The following GPAT3 variants were observed in gnomAD, a reference collection of about 807,000 sequenced individuals.
GPAT3 encodes 1-AGP acyltransferase 9.
A neutral mutation model predicts 58.8 loss-of-function variants in GPAT3; 53 were observed. The ratio of observed to expected loss-of-function variants is 0.90; its 90% CI spans 0.72 to 1.13. The LOEUF (loss-of-function observed/expected upper bound fraction) is 1.13, where lower values mean the gene tolerates loss of function less well. GPAT3 is among the 50% of genes most tolerant of loss of function. GPAT3 has a pLI of 0.00. For synonymous variants in GPAT3, 197 were observed against 187.4 expected, an observed-to-expected ratio of 1.05 and a Z score of -0.42; for missense variants, 511 against 527.6, an observed-to-expected ratio of 0.97 and a Z score of 0.31.
At chr4:83,575,025 C>T (rs1325851825) in intron 2 of GPAT3, among the ~76,000 whole-genome samples, 1 of 151,642 alleles carries the variant, frequency 6.6e-6, no homozygotes, top group Non-Finnish European at 1.5e-5. Context: ...TACAGGCGCC[C>T]GCCACCTCGC....
At chr4:83,557,387 C>T (rs1724979073) in intron 2 of GPAT3, among the ~76,000 whole-genome samples, 1 of 152,186 alleles carries the variant, frequency 6.6e-6, no homozygotes, top group Non-Finnish European at 1.5e-5. Context: ...TCCTGGCAGA[C>T]ATCACTAGTT....
At chr4:83,552,333 T>C (rs1202159648) in intron 2 of GPAT3, among the ~76,000 whole-genome samples, 1 of 152,164 alleles carries the variant, frequency 6.6e-6, no homozygotes, top group African/African-American at 2.4e-5. Context: ...TTGCCAGTTG[T>C]CCCCTGGGGG....
chr4:83,554,537 T>C (rs1724879153), intron 2 of GPAT3, among the ~76,000 whole-genome samples: 1 of 152,146 alleles, frequency 6.6e-6, no homozygotes, highest in African/African-American at 2.4e-5. Flanking sequence ...TTTTTAAACA[T>C]TGGCCCCACT....
chr4:83,598,865 C>G, intron 11 of GPAT3, 142 bp downstream of exon 11: 1 of 606,788 alleles, frequency 1.6e-6, no homozygotes, highest in Non-Finnish European at 2.6e-6. Flanking sequence ...TCATAGTTCA[C>G]TGTAGCCTTG....
intron 1 of GPAT3, among the ~76,000 whole-genome samples, chr4:83,538,644 C>T (rs1008423699): frequency 2.0e-5 from 3 of 152,192 alleles, no homozygotes; most frequent in African/African-American, 7.2e-5. Context: ...CAGCTAAGGA[C>T]GGAGGCCAGC....
chr4:83,582,835 T>A (rs1014255069), intron 3 of GPAT3, among the ~76,000 whole-genome samples: 2 of 152,152 alleles, frequency 1.3e-5, no homozygotes, highest in African/African-American at 4.8e-5. Flanking sequence ...ATAGTATGTC[T>A]TTTGGGAATC....
At chr4:83,587,352 GC>G (rs1726415116) in intron 4 of GPAT3, 23 bp downstream of exon 4, 2 of 1,594,442 alleles carry the variant, frequency 1.3e-6, no homozygotes, top group Non-Finnish European at 1.7e-6. Context: ...CTTCCATCCA[GC>G]CATATATAGG....
At chr4:83,543,763 C>T (rs1349405445) in intron 1 of GPAT3, among the ~76,000 whole-genome samples, 3 of 152,058 alleles carry the variant, frequency 2.0e-5, no homozygotes, top group African/African-American at 7.2e-5. Context: ...GTTTCAGCCT[C>T]CAGAGTAGCT....
At chr4:83,574,652 TTTTTTTTTTTTTTTTTTTTTTTTTTA>T (rs1461352420) in intron 2 of GPAT3, among the ~76,000 whole-genome samples, 12 of 84,228 alleles carry the variant, frequency 1.4e-4, no homozygotes, top group African/African-American at 3.2e-4. Flanking sequence ...TTTTTTTTTT[TTTTTTTTTTTTTTTTTTTTTTTTTTA>T]GAATTAGAGT....
intron 2 of GPAT3, among the ~76,000 whole-genome samples, chr4:83,560,507 C>T (rs1256747256): frequency 6.6e-6 from 1 of 152,222 alleles, no homozygotes; most frequent in East Asian, 1.9e-4. Context: ...GACTCTGAAG[C>T]ATGAGGATGC....
At chr4:83,568,936 A>G (rs1449907794) in intron 2 of GPAT3, among the ~76,000 whole-genome samples, 1 of 152,250 alleles carries the variant, frequency 6.6e-6, no homozygotes, top group African/African-American at 2.4e-5. Flanking sequence ...TTGCTAATGT[A>G]ACCATTAAAT....
Position 83,568,844 on chromosome 4 carries a change from C to A in GPAT3, c.209-12718C>A, listed in dbSNP as rs187359137. 1.8e-4 allele frequency among the ~76,000 whole-genome samples: 28 copies of A among 152,260 alleles called. 1 individual carries two copies. The highest frequency in any genetic ancestry group is 1.7e-3 in the East Asian group (9 of 5,182). ...TCATTTGTCATCCTCTTCAATTCCC[C>A]CACTTCCAATAACTGAGAAACTTAA... On this transcript the variant is annotated intron_variant, in intron 2 of 11. Transcript: ENST00000264409.
At chr4:83,565,046 A>G (rs1725331270) in intron 2 of GPAT3, among the ~76,000 whole-genome samples, 1 of 151,508 alleles carries the variant, frequency 6.6e-6, no homozygotes. Flanking sequence ...TAACCAACTG[A>G]TTTGAGACGC....
Position 83,536,403 on chromosome 4 carries a change from GAGAA to G in GPAT3, c.-216_-213del. ...TCAGCCCAGACCTGGGCAGCCAGCG[GAGAA>G]AGAGTTAACTGGCAGGGGCGAGGAG... On this transcript the variant is annotated 5_prime_UTR_variant, in exon 1 of 12. Coordinates refer to ENST00000264409, the MANE Select transcript of GPAT3 (RefSeq NM_032717.5). 13 of 1,344,872 alleles carry G rather than the reference GAGAA, an allele frequency of 9.7e-6. No homozygotes were observed. The highest frequency in any genetic ancestry group is 1.1e-5 in the Non-Finnish European group (12 of 1,048,344). The allele number at this position is 1,344,872 out of a possible 1,614,324, so 83.3% of individuals were successfully genotyped here.
chr4:83,542,741 T>C (rs1466329345), intron 1 of GPAT3, among the ~76,000 whole-genome samples: 1 of 152,346 alleles, frequency 6.6e-6, no homozygotes, highest in East Asian at 1.9e-4. Context: ...GTCACACCTA[T>C]AATCCCAGCA....
Position 83,604,669 on chromosome 4 carries a change from G to A in GPAT3, c.1207G>A (p.Asp403Asn), listed in dbSNP as rs745369492. ...IQGGLTELPW[D>N]GGLKRAKVKD... ...ATGTATTTGTCTTTCTGTTTGCAGGGATGGAGGACTAAAGAGAGCAAAGGT... is the reference window on the plus strand; with the variant it reads ...ATGTATTTGTCTTTCTGTTTGCAGGAATGGAGGACTAAAGAGAGCAAAGGT... The change falls in exon 12 of 12, where the codon GAT (aspartate) becomes AAT (asparagine). Residue 403 changes from aspartate (D) to asparagine (N), a missense_variant and splice_region_variant. Physicochemically the swap from Asp to Asn is conservative, Grantham distance 23. Coordinates refer to ENST00000264409, the MANE Select transcript of GPAT3 (RefSeq NM_032717.5). 2 of 1,612,660 alleles carry A rather than the reference G, an allele frequency of 1.2e-6. No individual in the cohort carries two copies. The highest frequency in any genetic ancestry group is 4.5e-5 in the East Asian group (2 of 44,834).
At chr4:83,592,372 A>G (rs1477593799) in intron 6 of GPAT3, among the ~76,000 whole-genome samples, 1 of 152,246 alleles carries the variant, frequency 6.6e-6, no homozygotes, top group Non-Finnish European at 1.5e-5. Context: ...ATACCATGCC[A>G]TTAGCCTCCA....
intron 3 of GPAT3, among the ~76,000 whole-genome samples, chr4:83,586,842 G>A (rs887149519): frequency 1.3e-5 from 2 of 152,208 alleles, no homozygotes; most frequent in South Asian, 4.1e-4. Flanking sequence ...TGTCTACATG[G>A]TGGTATATTT....
chr4:83,594,048 A>G (rs1439450238), intron 6 of GPAT3, among the ~76,000 whole-genome samples: 1 of 152,204 alleles, frequency 6.6e-6, no homozygotes, highest in Non-Finnish European at 1.5e-5. Context: ...TTGTAGAGAT[A>G]AACACATGTA....
Sources: gnomAD v4.1 joint callset for allele counts (sites outside exome capture counted in the v4.1 genomes callset) on GRCh38, gnomAD v4.1.1 for gene constraint, MANE v1.5 for transcripts, NCBI Gene and HGNC (gene_info 2026-07-23, HGNC 2026-07-21) for gene names.